CDHR3: variants seen among roughly 807,000 people sequenced by gnomAD.
The protein encoded by CDHR3 is cadherin related family member 3.
Under a neutral mutation model 86.6 loss-of-function variants are expected in CDHR3, and 79 were observed. That is an observed-to-expected ratio of 0.91 (90% CI 0.76 to 1.10). The LOEUF is 1.10. CDHR3 is among the 50% of genes least tolerant of loss of function. The pLI is 0.00. For synonymous variants in CDHR3, 421 were observed against 402.4 expected (o/e 1.05, Z -0.55); for missense variants, 1,081 against 1,077.6 (o/e 1.00, Z -0.04).
intron 10 of CDHR3, 53 bp from the exon 11 acceptor site, chr7:106,015,874 C>A: frequency 7.9e-7 from 1 of 1,269,360 alleles, no homozygotes; most frequent in Non-Finnish European, 1.1e-6. Context: ...GTTGAATAAA[C>A]AAATGGATGA....
rs1167041846 is a variant in CDHR3 at position 106,004,550 on chromosome 7, G to C, written c.915G>C (p.Leu305Phe). The C allele has an allele frequency of 6.2e-7, 1 of 1,614,018 alleles. No individual in the cohort carries two copies. Reference protein sequence around the residue: ...AQRIDRDAGELRQNPTISLEV... With the variant: ...AQRIDRDAGEFRQNPTISLEV... ...GGATAGACCGAGATGCAGGTGAATTGAGACAAAATCCCACCATTTCCCTGG... is the reference window on the plus strand; with the variant it reads ...GGATAGACCGAGATGCAGGTGAATTCAGACAAAATCCCACCATTTCCCTGG... The change falls in exon 8 of 19, where the codon TTG becomes TTC. Residue 305 changes from leucine to phenylalanine, a missense_variant. By Grantham distance (22) the Leu-to-Phe change is conservative. Transcript: ENST00000317716.
chr7:105,992,779 A>G (rs1043663832), intron 4 of CDHR3, among the ~76,000 whole-genome samples: 1 of 152,250 alleles, frequency 6.6e-6, no homozygotes, highest in African/African-American at 2.4e-5. Context: ...ATACGTTTGC[A>G]TAGAAAAGAA....
At chr7:105,977,072 C>G (rs1828944293) in intron 2 of CDHR3, among the ~76,000 whole-genome samples, 1 of 151,632 alleles carries the variant, frequency 6.6e-6, no homozygotes, top group Admixed American at 6.6e-5. Context: ...TCGCCTCAGC[C>G]TCCCCAGTAG....
intron 8 of CDHR3, 34 bp downstream of exon 8, chr7:106,004,721 T>C: frequency 2.5e-6 from 4 of 1,608,768 alleles, no homozygotes; most frequent in Non-Finnish European, 3.4e-6. Context: ...CTGGACATTC[T>C]ATCTCTTTGG....
intron 14 of CDHR3, 105 bp from the exon 15 acceptor site, chr7:106,024,276 C>A: frequency 1.0e-6 from 1 of 953,256 alleles, no homozygotes; most frequent in Non-Finnish European, 1.6e-6. Context: ...ACTTATAGAG[C>A]AATAACAATA....
chr7:105,993,235 G>A (rs1186038597), intron 4 of CDHR3, among the ~76,000 whole-genome samples: 1 of 152,192 alleles, frequency 6.6e-6, no homozygotes, highest in Non-Finnish European at 1.5e-5. Context: ...ATATAAACAT[G>A]TGAGTCTCTA....
intron 2 of CDHR3, among the ~76,000 whole-genome samples, chr7:105,980,607 A>ATTTTT (rs35517726): frequency 1.0e-5 from 1 of 98,524 alleles, no homozygotes; most frequent in African/African-American, 3.9e-5. Flanking sequence ...TTTTTTTTTA[A>ATTTTT]TTTTTTTTTT....
chr7:106,012,554 G>A (rs548488517), intron 8 of CDHR3, among the ~76,000 whole-genome samples: 10 of 152,194 alleles, frequency 6.6e-5, no homozygotes, highest in African/African-American at 2.2e-4. Flanking sequence ...AGGAGGGCAC[G>A]TCATGAAGCG....
intron 16 of CDHR3, chr7:106,027,725 G>A (rs1753403643): frequency 4.6e-6 from 2 of 437,352 alleles, no homozygotes; most frequent in Non-Finnish European, 9.1e-6. Flanking sequence ...CTTAAGGCAT[G>A]TCTCAACAGG....
In CDHR3 at chr7:105,976,474, A is replaced by G. The variant is rs138492056; in HGVS notation, c.249+1428A>G. Among the ~76,000 whole-genome samples, 1,083 of 152,314 alleles carry G rather than the reference A, an allele frequency of 7.1e-3. 17 individuals are homozygous for G. The highest frequency in any genetic ancestry group is 0.025 in the African/African-American group (1,036 of 41,560). On this transcript the variant is annotated intron_variant, in intron 2 of 18. Transcript: ENST00000317716. ...TTATTGAGTATAATTCACAGAGCAT[A>G]TACTCCAGCCATTTAAATTGTACAA...
intron 6 of CDHR3, among the ~76,000 whole-genome samples, chr7:105,997,162 C>T (rs2115764258): frequency 6.6e-6 from 1 of 152,262 alleles, no homozygotes; most frequent in South Asian, 2.1e-4. Context: ...GGATACTCCA[C>T]CAATAAAAGA....
intron 7 of CDHR3, among the ~76,000 whole-genome samples, 187 bp downstream of exon 7, chr7:106,001,797 C>T (rs1833229349): frequency 6.6e-6 from 1 of 152,056 alleles, no homozygotes; most frequent in Non-Finnish European, 1.5e-5. Flanking sequence ...ATGCATGTCC[C>T]CCTGTATATT....
Position 106,022,428 on chromosome 7 carries a change from A to T in CDHR3, c.2056A>T (p.Ile686Phe). 1 of 1,613,934 alleles carries T rather than the reference A, an allele frequency of 6.2e-7. No homozygotes were observed. The highest frequency in any genetic ancestry group is 2.2e-5 in the East Asian group (1 of 44,890). The change falls in exon 14 of 19, where the codon ATC (isoleucine) becomes TTC (phenylalanine). Residue 686 changes from isoleucine to phenylalanine, a missense_variant. Transcript: ENST00000317716. Reference protein sequence around the residue: ...SIKVIPHPTTIITTTPRPRVT... With the variant: ...SIKVIPHPTTFITTTPRPRVT... Reference sequence around the variant, plus strand: ...TAAAGTCATTCCCCACCCAACCACTATCATCACCACGACCCCCAGGGTAAG... The same window carrying T: ...TAAAGTCATTCCCCACCCAACCACTTTCATCACCACGACCCCCAGGGTAAG...
At position 106,034,748 on chromosome 7, in the gene CDHR3, A is replaced by C. The variant is rs1426038394; in HGVS notation, c.*2051A>C. The stretch of plus-strand genomic sequence containing the variant: ...GTAAAATGAGGTTCTGAGAAGGCTG[A>C]AGGGGGACTTAATAACTGCTTATAA... On this transcript the variant is annotated 3_prime_UTR_variant, in exon 19 of 19. Coordinates refer to ENST00000317716, the MANE Select transcript of CDHR3 (RefSeq NM_152750.5). 3.9e-5 allele frequency among the ~76,000 whole-genome samples: 6 copies of C among 152,206 alleles called. No homozygotes were observed.
At chr7:105,994,595 G>A (rs1269553034) in intron 4 of CDHR3, among the ~76,000 whole-genome samples, 156 bp from the exon 5 acceptor site, 2 of 152,178 alleles carry the variant, frequency 1.3e-5, no homozygotes, top group African/African-American at 4.8e-5. Flanking sequence ...GTATTCAAGA[G>A]CGATTAAATT....
chr7:106,012,710 T>A (rs1212775891), intron 8 of CDHR3, 150 bp from the exon 9 acceptor site: 2 of 800,350 alleles, frequency 2.5e-6, no homozygotes, highest in Non-Finnish European at 3.8e-6. Flanking sequence ...AAGGGCAGAA[T>A]CAGGGAGACC....
At chr7:106,003,988 C>CAA (rs1833577032) in intron 7 of CDHR3, among the ~76,000 whole-genome samples, 1 of 22,534 alleles carries the variant, frequency 4.4e-5, no homozygotes, top group Admixed American at 5.3e-4. Flanking sequence ...ACCAACCTAA[C>CAA]CAAAAAAAAA....
At chr7:105,990,873 C>T (rs1831253665) in intron 4 of CDHR3, among the ~76,000 whole-genome samples, 2 of 152,196 alleles carry the variant, frequency 1.3e-5, no homozygotes, top group Non-Finnish European at 2.9e-5. Context: ...AGCTCCCTCT[C>T]ACCTTCCTTT....
intron 16 of CDHR3, among the ~76,000 whole-genome samples, chr7:106,027,151 C>T (rs1372585774): frequency 6.6e-6 from 1 of 152,136 alleles, no homozygotes; most frequent in African/African-American, 2.4e-5. Flanking sequence ...AATCCCAGCA[C>T]TTTGAGAGGA....
Sources: allele counts gnomAD v4.1 joint callset (sites outside exome capture counted in the v4.1 genomes callset), GRCh38; gene constraint gnomAD v4.1.1; transcripts MANE v1.5; gene names NCBI Gene and HGNC (gene_info 2026-07-23, HGNC 2026-07-21).